COL24A1: variants seen among roughly 807,000 people sequenced by gnomAD.
The protein encoded by COL24A1 is collagen type XXIV alpha 1 chain.
A neutral mutation model predicts 253.9 loss-of-function variants in COL24A1; 224 were observed. The observed-to-expected ratio is 0.88, with a 90% CI of 0.79 to 0.99. COL24A1 has a LOEUF of 0.99. COL24A1 is among the 50% of genes least tolerant of loss of function. The probability of loss-of-function intolerance (pLI) is 0.00; values close to 1 mark genes in which losing one functional copy is unlikely to be tolerated. For missense variants in COL24A1, 2,131 were observed against 2,068.5 expected, an observed-to-expected ratio of 1.03 and a Z score of -0.59; for synonymous variants, 685 against 673.7, an observed-to-expected ratio of 1.02 and a Z score of -0.26.
chr1:85,738,461 G>A (rs773592740), intron 57 of COL24A1, among the ~76,000 whole-genome samples: 48 of 152,084 alleles, frequency 3.2e-4, no homozygotes, highest in Non-Finnish European at 5.9e-4. Context: ...TCCACTGAGT[G>A]CCCAAGAGAA....
At chr1:86,095,781 T>G (rs1271799644) in intron 5 of COL24A1, among the ~76,000 whole-genome samples, 1 of 152,114 alleles carries the variant, frequency 6.6e-6, no homozygotes, top group African/African-American at 2.4e-5. Flanking sequence ...TATATCCTTT[T>G]GACTATGAGT....
chr1:85,756,402 C>T (rs1391287066), intron 55 of COL24A1, among the ~76,000 whole-genome samples: 1 of 151,162 alleles, frequency 6.6e-6, no homozygotes, highest in African/African-American at 2.4e-5. Context: ...TTGGGCAACA[C>T]AGCAAGAGTC....
Position 86,108,620 on chromosome 1 carries a change from T to TA in COL24A1, c.1599+3946dup, listed in dbSNP as rs55852463. ...GAAAATGGAGAAACCCCATCTCTACTAAAAAAAAAAAAAAAAAAAAAAAAA... is the reference window on the plus strand; with the variant it reads ...GAAAATGGAGAAACCCCATCTCTACTAAAAAAAAAAAAAAAAAAAAAAAAAA... On this transcript the variant is annotated intron_variant, in intron 5 of 59. Transcript: ENST00000370571. 4.6e-4 allele frequency among the ~76,000 whole-genome samples: 38 copies of TA among 83,094 alleles called. 1 individual carries two copies. Among genetic ancestry groups the TA allele is most frequent in the African/African-American group, 1.7e-3 (33 of 19,466 alleles). The allele number at this position is 83,094 out of a possible 152,430, so 54.5% of individuals were successfully genotyped here. A position where few individuals can be genotyped will look rare whatever the true frequency, so the allele number is the denominator to read the frequency against.
At chr1:86,144,294 T>C (rs1451646948) in intron 2 of COL24A1, among the ~76,000 whole-genome samples, 2 of 152,104 alleles carry the variant, frequency 1.3e-5, no homozygotes, top group Non-Finnish European at 2.9e-5. Context: ...TTCTAGATTT[T>C]TAAAAAATAA....
intron 32 of COL24A1, among the ~76,000 whole-genome samples, chr1:85,882,261 A>G (rs1553212460): frequency 1.3e-5 from 2 of 152,098 alleles, no homozygotes; most frequent in Admixed American, 1.3e-4. Context: ...GCGGTTCACG[A>G]GGTCAGGAGA....
At chr1:85,844,369 T>C (rs970388329) in intron 39 of COL24A1, among the ~76,000 whole-genome samples, 3 of 152,060 alleles carry the variant, frequency 2.0e-5, no homozygotes, top group African/African-American at 7.2e-5. Context: ...AAGTAAATGA[T>C]GGTAAAAACA....
intron 3 of COL24A1, among the ~76,000 whole-genome samples, chr1:86,119,012 C>T (rs6680321): frequency 0.73 from 110,453 of 152,090 alleles, 40,083 homozygotes; most frequent in Middle Eastern, 0.77. Context: ...CTATAACCTT[C>T]TTCCACTGAA....
chr1:86,117,358 G>A (rs1006772232), intron 3 of COL24A1, among the ~76,000 whole-genome samples: 3 of 152,204 alleles, frequency 2.0e-5, no homozygotes, highest in East Asian at 1.9e-4. Flanking sequence ...GACACAGCAC[G>A]AAGGTGCCAT....
At chr1:86,048,073 CT>C (rs1367353845) in intron 11 of COL24A1, among the ~76,000 whole-genome samples, 1 of 152,052 alleles carries the variant, frequency 6.6e-6, no homozygotes, top group Non-Finnish European at 1.5e-5. Context: ...TACAAACAAT[CT>C]TTTTTAAAAA....
At chr1:85,777,658 C>G (rs936075847) in intron 52 of COL24A1, among the ~76,000 whole-genome samples, 1 of 152,072 alleles carries the variant, frequency 6.6e-6, no homozygotes, top group Non-Finnish European at 1.5e-5. Flanking sequence ...GTATTGGGTG[C>G]TTTTATACCT....
Position 86,092,373 on chromosome 1 carries a change from GTCATATA to G in COL24A1, c.1600-60_1600-54del. 9 of 1,281,776 alleles carry G rather than the reference GTCATATA, an allele frequency of 7.0e-6. No homozygotes were observed. In the South Asian group the frequency reaches 1.1e-4, roughly 16 times the overall value. 79.4% of individuals were successfully genotyped at this position (1,281,776 alleles called of 1,614,324 possible). A position where few individuals can be genotyped will look rare whatever the true frequency, so the allele number is the denominator to read the frequency against. On this transcript the variant is annotated intron_variant, in intron 5 of 59. Transcript: ENST00000370571. ...GTGAAGCATAAGTTGCATATAATGT[GTCATATA>G]TCTTCAGGTATTTATTACCAGATGT...
At chr1:85,745,175 C>A (rs1665074677) in intron 56 of COL24A1, among the ~76,000 whole-genome samples, 2 of 152,128 alleles carry the variant, frequency 1.3e-5, no homozygotes, top group Admixed American at 6.5e-5. Flanking sequence ...CCTCATTTAA[C>A]TACTTTCTTG....
At chr1:86,114,839 A>G (rs1196120098) in intron 4 of COL24A1, among the ~76,000 whole-genome samples, 3 of 152,162 alleles carry the variant, frequency 2.0e-5, no homozygotes, top group East Asian at 3.8e-4. Flanking sequence ...TAACATAGCA[A>G]TAAGTCTTTT....
chr1:85,886,482 G>A (rs1462130402), intron 32 of COL24A1, among the ~76,000 whole-genome samples: 4 of 151,634 alleles, frequency 2.6e-5, no homozygotes, highest in African/African-American at 4.8e-5. Context: ...TGGCTAACAC[G>A]GTGAAATCCT....
At chr1:86,121,949 G>GA (rs888323206) in intron 3 of COL24A1, among the ~76,000 whole-genome samples, 1 of 151,992 alleles carries the variant, frequency 6.6e-6, no homozygotes, top group Non-Finnish European at 1.5e-5. Context: ...ATATAGGCAG[G>GA]AAAAAATTGT....
At chr1:85,900,890 C>T (rs1571145946) in intron 28 of COL24A1, among the ~76,000 whole-genome samples, 1 of 151,832 alleles carries the variant, frequency 6.6e-6, no homozygotes, top group African/African-American at 2.4e-5. Context: ...TATTTAGCAC[C>T]ATATACAAAA....
At chr1:85,969,934 C>A (rs949046587) in intron 22 of COL24A1, among the ~76,000 whole-genome samples, 3 of 151,944 alleles carry the variant, frequency 2.0e-5, no homozygotes, top group African/African-American at 7.2e-5. Context: ...ACTAAAATGG[C>A]TAAAGTATTT....
At chr1:85,910,853 A>T (rs1685294496) in intron 25 of COL24A1, among the ~76,000 whole-genome samples, 1 of 151,816 alleles carries the variant, frequency 6.6e-6, no homozygotes, top group Admixed American at 6.6e-5. Context: ...CCAAGAAGTG[A>T]AGAAATTAGG....
At chr1:86,005,872 G>C (rs1343915287) in intron 19 of COL24A1, among the ~76,000 whole-genome samples, 1 of 152,060 alleles carries the variant, frequency 6.6e-6, no homozygotes, top group Non-Finnish European at 1.5e-5. Context: ...CAAGGTTGTA[G>C]GATACAAGGT....
Sources: gnomAD v4.1 joint callset for allele counts (sites outside exome capture counted in the v4.1 genomes callset) on GRCh38, gnomAD v4.1.1 for gene constraint, MANE v1.5 for transcripts, NCBI Gene and HGNC (gene_info 2026-07-23, HGNC 2026-07-21) for gene names.